The following GRXCR1 variants were observed in gnomAD, a reference collection of about 807,000 sequenced individuals.
The protein encoded by GRXCR1 is glutaredoxin domain-containing cysteine-rich protein 1.
Under a neutral mutation model 27.3 loss-of-function variants are expected in GRXCR1, and 27 were observed. That is an observed-to-expected ratio of 0.99 (90% confidence interval 0.73 to 1.37). GRXCR1 has a LOEUF of 1.37. Among genes scored for constraint, GRXCR1 ranks in the 40% most tolerant of loss-of-function variants. The pLI is 0.00. For missense variants in GRXCR1, 379 were observed against 354.4 expected (o/e 1.07, Z -0.56); for synonymous variants, 122 against 131.1 (o/e 0.93, Z 0.47).
chr4:42,993,565 C>G (rs1468030103), intron 2 of GRXCR1, among the ~76,000 whole-genome samples: 1 of 152,090 alleles, frequency 6.6e-6, no homozygotes, highest in East Asian at 1.9e-4. Flanking sequence ...TAAACATGCT[C>G]AGAATACTTA....
At chr4:43,016,627 G>A (rs1033441797) in intron 2 of GRXCR1, among the ~76,000 whole-genome samples, 1 of 54,196 alleles carries the variant, frequency 1.8e-5, no homozygotes, top group Admixed American at 2.2e-4. Flanking sequence ...GGAAGCAGTT[G>A]TGTGTTTGTG....
intron 2 of GRXCR1, among the ~76,000 whole-genome samples, chr4:42,976,820 G>A (rs751565179): frequency 6.6e-6 from 1 of 151,892 alleles, no homozygotes; most frequent in Non-Finnish European, 1.5e-5. Context: ...TTTGTGGGGA[G>A]ACTATTTAAT....
chr4:42,967,872 C>A (rs950353117), intron 2 of GRXCR1, among the ~76,000 whole-genome samples: 1 of 152,100 alleles, frequency 6.6e-6, no homozygotes, highest in African/African-American at 2.4e-5. Flanking sequence ...TGATCAAGAT[C>A]TTGTGAGCAC....
chr4:42,943,718 A>AT lies in GRXCR1; in HGVS notation c.385-19168dup, dbSNP rs1311129943. ...TTTATCACTTATTCATTCAAGAAATATTTTTTCATCACCTGCTATGTGCCA... is the reference window on the plus strand; with the variant it reads ...TTTATCACTTATTCATTCAAGAAATATTTTTTTCATCACCTGCTATGTGCCA... On this transcript the variant is annotated intron_variant, in intron 1 of 3. Coordinates refer to ENST00000399770, the MANE Select transcript of GRXCR1 (RefSeq NM_001080476.3). Among the ~76,000 whole-genome samples the AT allele has an allele frequency of 2.6e-5, 4 of 152,018 alleles. No homozygotes were observed. The South Asian group carries it at 6.2e-4, about 24-fold the overall frequency.
At chr4:43,002,491 CTGGCTGGGTCAAAG>C (rs1418586651) in intron 2 of GRXCR1, among the ~76,000 whole-genome samples, 2 of 151,516 alleles carry the variant, frequency 1.3e-5, no homozygotes, top group Non-Finnish European at 2.9e-5. Context: ...TTGTGAACTC[CTGGCTGGGTCAAAG>C]TGGCTGGGGC....
chr4:43,010,616 T>C (rs1426456211), intron 2 of GRXCR1, among the ~76,000 whole-genome samples: 1 of 151,986 alleles, frequency 6.6e-6, no homozygotes, highest in Non-Finnish European at 1.5e-5. Context: ...GGGATGGAGG[T>C]AATTACTATT....
intron 2 of GRXCR1, among the ~76,000 whole-genome samples, chr4:42,995,836 G>T (rs1712137974): frequency 6.6e-6 from 1 of 152,212 alleles, no homozygotes; most frequent in South Asian, 2.1e-4. Flanking sequence ...AAGAATTGAG[G>T]AATCCAGCCA....
chr4:42,926,072 T>C (rs916734920), intron 1 of GRXCR1, among the ~76,000 whole-genome samples: 5 of 152,066 alleles, frequency 3.3e-5, no homozygotes, highest in African/African-American at 9.7e-5. Flanking sequence ...CACTTGAAGA[T>C]ACTCGACTAA....
chr4:42,955,360 T>C (rs1453617748), intron 1 of GRXCR1, among the ~76,000 whole-genome samples: 1 of 152,126 alleles, frequency 6.6e-6, no homozygotes, highest in East Asian at 1.9e-4. Flanking sequence ...ACCTCTTTAA[T>C]TCACAACCAT....
chr4:42,981,636 C>T (rs2109785198), intron 2 of GRXCR1, among the ~76,000 whole-genome samples: 1 of 152,254 alleles, frequency 6.6e-6, no homozygotes, highest in East Asian at 1.9e-4. Flanking sequence ...GATGAACTTT[C>T]TCAGCTTTTG....
intron 2 of GRXCR1, among the ~76,000 whole-genome samples, chr4:42,997,803 C>G (rs1712221319): frequency 6.6e-6 from 1 of 152,118 alleles, no homozygotes; most frequent in African/African-American, 2.4e-5. Context: ...AAGGCCCCTG[C>G]CCTCATTTCT....
intron 1 of GRXCR1, among the ~76,000 whole-genome samples, chr4:42,901,205 C>T (rs1006385033): frequency 6.6e-6 from 1 of 152,152 alleles, no homozygotes; most frequent in East Asian, 1.9e-4. Flanking sequence ...GACTGAACAA[C>T]AATTACTACT....
chr4:42,896,893 C>T (rs1274530494), intron 1 of GRXCR1, among the ~76,000 whole-genome samples: 1 of 152,038 alleles, frequency 6.6e-6, no homozygotes, highest in Non-Finnish European at 1.5e-5. Context: ...GTTATCCCAA[C>T]AGCCATGTTT....
intron 2 of GRXCR1, among the ~76,000 whole-genome samples, chr4:42,998,791 C>T (rs1316439919): frequency 3.9e-5 from 6 of 152,074 alleles, no homozygotes; most frequent in African/African-American, 1.4e-4. Flanking sequence ...TGTTTTTCAC[C>T]TTTTTGATCA....
intron 3 of GRXCR1, among the ~76,000 whole-genome samples, chr4:43,022,549 C>A (rs1300057427): frequency 2.6e-5 from 4 of 152,196 alleles, no homozygotes; most frequent in Non-Finnish European, 4.4e-5. Context: ...ATGGCATTGG[C>A]TTTCTACTGT....
At chr4:42,904,745 T>C (rs1341159370) in intron 1 of GRXCR1, among the ~76,000 whole-genome samples, 1 of 152,160 alleles carries the variant, frequency 6.6e-6, no homozygotes, top group Non-Finnish European at 1.5e-5. Context: ...AATCAAATAC[T>C]ACTAAGTATT....
chr4:42,996,586 A>G (rs1193414533), intron 2 of GRXCR1, among the ~76,000 whole-genome samples: 2 of 152,092 alleles, frequency 1.3e-5, no homozygotes, highest in East Asian at 1.9e-4. Flanking sequence ...TAGTAAAACA[A>G]CAGCTTTGTC....
At chr4:42,989,330 C>T (rs1440088765) in intron 2 of GRXCR1, among the ~76,000 whole-genome samples, 2 of 152,070 alleles carry the variant, frequency 1.3e-5, no homozygotes, top group African/African-American at 4.8e-5. Context: ...GTCTCTTCTT[C>T]ATCTAATATG....
intron 2 of GRXCR1, among the ~76,000 whole-genome samples, chr4:43,016,624 G>A (rs78026787): frequency 0.063 from 5,372 of 85,152 alleles, 115 homozygotes; most frequent in African/African-American, 0.11. Flanking sequence ...ACGGGAAGCA[G>A]TTGTGTGTTT....
Sources: gnomAD v4.1 joint callset for allele counts (sites outside exome capture counted in the v4.1 genomes callset) on GRCh38, gnomAD v4.1.1 for gene constraint, MANE v1.5 for transcripts, NCBI Gene and HGNC (gene_info 2026-07-23, HGNC 2026-07-21) for gene names.